KDM4C: variants seen among roughly 807,000 people sequenced by gnomAD.
KDM4C encodes lysine demethylase 4C.
In KDM4C, 81 loss-of-function variants were observed where a neutral mutation model predicts 129.3. That is an observed-to-expected ratio of 0.63 (90% CI 0.52 to 0.75). The LOEUF is 0.75. Ranked by LOEUF, KDM4C falls within the 30% of genes least tolerant of loss-of-function variation. KDM4C has a pLI of 0.00. For missense variants in KDM4C, 1,457 were observed against 1,304.0 expected, an observed-to-expected ratio of 1.12 and a Z score of -1.81; for synonymous variants, 573 against 456.1, an observed-to-expected ratio of 1.26 and a Z score of -3.26.
chr9:6,822,337 G>C (rs1327723774), intron 4 of KDM4C, among the ~76,000 whole-genome samples: 3 of 152,184 alleles, frequency 2.0e-5, no homozygotes, highest in African/African-American at 7.2e-5. Context: ...ATAATTATTT[G>C]TTCTTGGGGA....
chr9:6,966,213 C>G (rs1197282206), intron 8 of KDM4C, among the ~76,000 whole-genome samples: 1 of 152,092 alleles, frequency 6.6e-6, no homozygotes, highest in South Asian at 2.1e-4. Context: ...GACGGAGTCT[C>G]GCTCTGTCTC....
chr9:7,161,319 G>C (rs1037835024), intron 19 of KDM4C, among the ~76,000 whole-genome samples: 1 of 152,100 alleles, frequency 6.6e-6, no homozygotes, highest in Non-Finnish European at 1.5e-5. Context: ...GCTTCAGCTT[G>C]CCCTCTGTGG....
chr9:6,807,407 G>A (rs1188146495), intron 3 of KDM4C, among the ~76,000 whole-genome samples: 5 of 145,310 alleles, frequency 3.4e-5, no homozygotes, highest in East Asian at 4.1e-4. Context: ...GAGCGTCTCC[G>A]CCCGGCCGCC....
intron 1 of KDM4C, among the ~76,000 whole-genome samples, chr9:6,759,940 CAA>C (rs1178745095): frequency 2.5e-5 from 2 of 78,754 alleles, no homozygotes. Flanking sequence ...GACTCCATCT[CAA>C]AAAAAAAAAA....
chr9:6,949,493 T>C (rs1437020195), intron 8 of KDM4C, among the ~76,000 whole-genome samples: 1 of 152,136 alleles, frequency 6.6e-6, no homozygotes. Flanking sequence ...GGCAGGCGGC[T>C]GGGAGGTGGA....
intron 8 of KDM4C, among the ~76,000 whole-genome samples, chr9:6,923,206 T>G (rs969286091): frequency 6.6e-6 from 1 of 151,816 alleles, no homozygotes; most frequent in Non-Finnish European, 1.5e-5. Context: ...TTGTTACATA[T>G]GCAAAGCATT....
intron 1 of KDM4C, among the ~76,000 whole-genome samples, chr9:6,752,224 A>T (rs915544202): frequency 1.1e-4 from 16 of 146,032 alleles, no homozygotes; most frequent in Middle Eastern, 7.4e-3. Flanking sequence ...TCCCAGCTAC[A>T]CGGGAGGCTG....
chr9:7,134,030 G>A lies in KDM4C; in HGVS notation c.2781+5794G>A, dbSNP rs555129790. 5.9e-5 allele frequency among the ~76,000 whole-genome samples: 9 copies of A among 152,286 alleles called. No individual in the cohort carries two copies. The South Asian group carries it at 1.9e-3, about 32-fold the overall frequency. ...CCCTGTCCCATCCCAGACCATTTGT[G>A]TTATGTGTGCTCCAGAGGGCTGCCC... On this transcript the variant is annotated intron_variant, in intron 19 of 21. Transcript: ENST00000381309.
rs559932117 is a variant in KDM4C, at chr9:6,733,810, C to T, written c.49+12813C>T. Among the ~76,000 whole-genome samples the T allele has an allele frequency of 1.1e-4, 17 of 152,316 alleles. No homozygotes were observed. In the South Asian group the frequency reaches 3.3e-3, roughly 30 times the overall value. ...GGTTGTTTTTTGATGGTATGCTAAA[C>T]AAGGGGTGTATTATTCATGCCTCCC... On this transcript the variant is annotated intron_variant, in intron 1 of 17. Coordinates refer to the KDM4C transcript ENST00000536108.
intron 15 of KDM4C, among the ~76,000 whole-genome samples, chr9:7,020,147 A>G (rs1160295818): frequency 2.6e-5 from 4 of 152,144 alleles, no homozygotes; most frequent in Non-Finnish European, 4.4e-5. Flanking sequence ...AAAAACCAAA[A>G]TATATATTGC....
chr9:6,990,352 T>A (rs900477972), intron 11 of KDM4C, 64 bp from the exon 12 acceptor site: 15 of 610,804 alleles, frequency 2.5e-5, no homozygotes, highest in Non-Finnish European at 7.5e-6. Flanking sequence ...AACTGTAGGG[T>A]TTTTTTTTTT....
chr9:6,860,489 A>T (rs1840723561), intron 5 of KDM4C, among the ~76,000 whole-genome samples: 1 of 152,210 alleles, frequency 6.6e-6, no homozygotes, highest in African/African-American at 2.4e-5. Flanking sequence ...TGTCTAACCT[A>T]TCAGATAAAT....
At chr9:6,983,141 A>G (rs539000252) in intron 9 of KDM4C, among the ~76,000 whole-genome samples, 7 of 152,314 alleles carry the variant, frequency 4.6e-5, no homozygotes, top group East Asian at 3.9e-4. Flanking sequence ...AGTTACTGCC[A>G]TCAGTAGCAG....
At chr9:6,975,408 G>A (rs7875412) in intron 8 of KDM4C, among the ~76,000 whole-genome samples, 49,536 of 152,078 alleles carry the variant, frequency 0.33, 8,917 homozygotes, top group East Asian at 0.68. Flanking sequence ...AAAGCATGTT[G>A]TATGTATTAA....
intron 19 of KDM4C, among the ~76,000 whole-genome samples, chr9:7,129,229 C>G (rs190139734): frequency 6.6e-6 from 1 of 152,196 alleles, no homozygotes; most frequent in East Asian, 1.9e-4. Flanking sequence ...TAAATGTAAC[C>G]TTTTGAAATT....
At chr9:6,953,003 G>T (rs900773970) in intron 8 of KDM4C, among the ~76,000 whole-genome samples, 1 of 152,084 alleles carries the variant, frequency 6.6e-6, no homozygotes, top group African/African-American at 2.4e-5. Context: ...TTTAAAAATG[G>T]TTTAAGGCAG....
chr9:6,919,516 A>C (rs1821039825), intron 8 of KDM4C, among the ~76,000 whole-genome samples: 1 of 144,554 alleles, frequency 6.9e-6, no homozygotes, highest in Admixed American at 7.2e-5. Context: ...CCTATATTTC[A>C]TCTTTCAATT....
chr9:6,764,126 A>G (rs936482806), intron 1 of KDM4C, among the ~76,000 whole-genome samples: 19 of 152,232 alleles, frequency 1.2e-4, no homozygotes, highest in African/African-American at 3.4e-4. Flanking sequence ...TAGTTTCAGC[A>G]TCAAGCTTTT....
At chr9:6,823,751 A>G (rs1833418659) in intron 4 of KDM4C, among the ~76,000 whole-genome samples, 1 of 152,170 alleles carries the variant, frequency 6.6e-6, no homozygotes, top group Admixed American at 6.5e-5. Context: ...CTTGAGTCAC[A>G]TGGTGAAGCT....
Sources: allele counts gnomAD v4.1 joint callset (sites outside exome capture counted in the v4.1 genomes callset), GRCh38; gene constraint gnomAD v4.1.1; transcripts MANE v1.5; gene names NCBI Gene and HGNC (gene_info 2026-07-23, HGNC 2026-07-21).